The following LMX1B variants were observed in gnomAD, a reference collection of about 807,000 sequenced individuals.
The protein encoded by LMX1B is LIM homeobox transcription factor 1 beta.
LMX1B carries 12 observed loss-of-function variants against 51.4 expected under a neutral mutation model. The observed-to-expected ratio is 0.23, with a 90% CI of 0.15 to 0.38. The LOEUF is 0.38. Ranked by LOEUF, LMX1B falls within the 10% of genes least tolerant of loss-of-function variation. The pLI is 1.00. For synonymous variants in LMX1B, 237 were observed against 235.4 expected (o/e 1.01, Z -0.06); for missense variants, 445 against 571.1 (o/e 0.78, Z 2.25).
intron 2 of LMX1B, among the ~76,000 whole-genome samples, chr9:126,629,846 C>T (rs567333707): frequency 1.1e-4 from 16 of 151,820 alleles, no homozygotes; most frequent in African/African-American, 3.6e-4. Context: ...GATGAGACTT[C>T]CTAAAAGCAC....
rs537671740 is a variant in LMX1B at position 126,677,019 on chromosome 9, C to T, written c.327-13817C>T. 9.2e-5 allele frequency among the ~76,000 whole-genome samples: 14 copies of T among 152,304 alleles called. No homozygotes were observed. The highest frequency in any genetic ancestry group is 3.4e-4 in the African/African-American group (14 of 41,570). The stretch of plus-strand genomic sequence containing the variant: ...TGCGGCCGGGCGGGCGGTGATTAAG[C>T]GGCTCAGGCAGGCAGCGGGCGGCTG... On this transcript the variant is annotated intron_variant, in intron 2 of 7. Transcript: ENST00000373474. The surrounding 1 kb of genome is among the most constrained non-coding windows in gnomAD (Gnocchi z 5.0).
rs1181145640 is a variant in LMX1B, at chr9:126,695,238, C to T, written c.887-601C>T. On this transcript the variant is annotated intron_variant, in intron 6 of 7. Coordinates refer to ENST00000373474, the MANE Select transcript of LMX1B (RefSeq NM_001174147.2). This position sits in a 1 kb window ranked among gnomAD's most constrained non-coding sequence, Gnocchi z 5.2. The stretch of plus-strand genomic sequence containing the variant: ...TACCAAACCCTCCAGCGGCTCCCAG[C>T]GGCCTCGGGGACCCCCACCCAGCTC... Among the ~76,000 whole-genome samples, 3 of 152,182 alleles carry T rather than the reference C, an allele frequency of 2.0e-5. No individual in the cohort carries two copies. The highest frequency in any genetic ancestry group is 1.9e-4 in the East Asian group (1 of 5,190).
chr9:126,690,632 C>T (rs1300002282), intron 2 of LMX1B, among the ~76,000 whole-genome samples: 1 of 152,210 alleles, frequency 6.6e-6, no homozygotes, highest in Non-Finnish European at 1.5e-5. Flanking sequence ...GATGCCAGCA[C>T]CCACCCCAGG....
intron 2 of LMX1B, among the ~76,000 whole-genome samples, chr9:126,644,923 G>A (rs1835872149): frequency 1.3e-5 from 2 of 152,152 alleles, no homozygotes; most frequent in South Asian, 2.1e-4. Context: ...CCTGCCAAGC[G>A]CTGACAAGGA....
Position 126,700,081 on chromosome 9 carries a change from AC to A in LMX1B, c.*3631del, listed in dbSNP as rs1277051510. 2.0e-5 allele frequency: 3 copies of A among 152,132 alleles called. No homozygotes were observed. Among genetic ancestry groups the A allele is most frequent in the African/African-American group, 7.2e-5 (3 of 41,402 alleles). The allele number at this position is 152,132 out of a possible 1,614,324, so 9.4% of individuals were successfully genotyped here. A position where few individuals can be genotyped will look rare whatever the true frequency, so the allele number is the denominator to read the frequency against. On this transcript the variant is annotated 3_prime_UTR_variant, in exon 8 of 8. Coordinates refer to ENST00000373474, the MANE Select transcript of LMX1B (RefSeq NM_001174147.2). ...CCAGGTAACACAGGGCAGAGGAGGG[AC>A]AAAAAGCTGGGCATGGCCCCAGCCA...
chr9:126,671,824 C>T lies in LMX1B; in HGVS notation c.327-19012C>T, dbSNP rs1030604730. Among the ~76,000 whole-genome samples the T allele has an allele frequency of 4.5e-4, 69 of 152,314 alleles. No homozygotes were observed. Among genetic ancestry groups the T allele is most frequent in the African/African-American group, 1.6e-3 (66 of 41,574 alleles). ...GGGCAGCGGCCCCCCACAGCCCAGG[C>T]CCCCAGCGGCCCAGAGGCCACTTGG... On this transcript the variant is annotated intron_variant, in intron 2 of 7. Coordinates refer to ENST00000373474, the MANE Select transcript of LMX1B (RefSeq NM_001174147.2). The surrounding 1 kb of genome is among the most constrained non-coding windows in gnomAD (Gnocchi z 4.4).
intron 2 of LMX1B, among the ~76,000 whole-genome samples, chr9:126,631,849 G>A (rs1333399201): frequency 2.6e-5 from 4 of 152,174 alleles, no homozygotes; most frequent in East Asian, 1.9e-4. Context: ...GGATGATTCA[G>A]AGGGAGCAGA....
At chr9:126,659,349 G>A (rs1026455401) in intron 2 of LMX1B, among the ~76,000 whole-genome samples, 9 of 152,222 alleles carry the variant, frequency 5.9e-5, no homozygotes, top group Non-Finnish European at 8.8e-5. Flanking sequence ...CTCCAGCAGC[G>A]GCTCCTTAGT....
At chr9:126,657,498 G>A (rs1347675239) in intron 2 of LMX1B, among the ~76,000 whole-genome samples, 4 of 152,208 alleles carry the variant, frequency 2.6e-5, no homozygotes, top group Non-Finnish European at 5.9e-5. Context: ...GGGAGCAGGG[G>A]ATGCCTGCCT....
chr9:126,658,873 G>C lies in LMX1B; in HGVS notation c.327-31963G>C, dbSNP rs533266204. ...CAGGCCTGGTTTGCTGTGGAGAGAA[G>C]GAGGACTTCCTGGGGACATGAGAAG... On this transcript the variant is annotated intron_variant, in intron 2 of 7. Coordinates refer to ENST00000373474, the MANE Select transcript of LMX1B (RefSeq NM_001174147.2). The surrounding 1 kb of genome is among the most constrained non-coding windows in gnomAD (Gnocchi z 4.0). Among the ~76,000 whole-genome samples, 141 of 152,308 alleles carry C rather than the reference G, an allele frequency of 9.3e-4. No homozygotes were observed. Among genetic ancestry groups the C allele is most frequent in the Middle Eastern group, 3.4e-3 (1 of 294 alleles).
In LMX1B at chr9:126,615,391, T is replaced by A; in HGVS notation, c.148T>A (p.Cys50Ser). Residue 50 changes from cysteine to serine, a missense_variant, in exon 2 of 8, where the codon TGC becomes AGC. This residue lies in a region of LMX1B where 273 missense variants were observed against 343.3 expected (regional missense o/e 0.80). Coordinates refer to ENST00000373474, the MANE Select transcript of LMX1B (RefSeq NM_001174147.2). This position sits in a 1 kb window ranked among gnomAD's most constrained non-coding sequence, Gnocchi z 6.0. ...CGCCCTGTGCGCTACAGGCTCCGAC[T>A]GCCCGCATCCCGCCGTCTGCGAGGG... ...ATLGVLLGSD[C>S]PHPAVCEGCQ... The A allele has an allele frequency of 6.3e-7, 1 of 1,599,532 alleles. No homozygotes were observed. The highest frequency in any genetic ancestry group is 1.1e-5 in the South Asian group (1 of 89,478).
rs1469170674 is a variant in LMX1B, at chr9:126,625,376, G to A, written c.326+9807G>A. ...AATGGGGGGAGGGTTAGTGGGATGTGTTTGCCTCCTCTGACCGAGAGCACG... is the reference window on the plus strand; with the variant it reads ...AATGGGGGGAGGGTTAGTGGGATGTATTTGCCTCCTCTGACCGAGAGCACG... On this transcript the variant is annotated intron_variant, in intron 2 of 7. Transcript: ENST00000373474. This position sits in a 1 kb window ranked among gnomAD's most constrained non-coding sequence, Gnocchi z 5.3. Among the ~76,000 whole-genome samples the A allele has an allele frequency of 6.6e-6, 1 of 152,194 alleles. No homozygotes were observed. Among genetic ancestry groups the A allele is most frequent in the Non-Finnish European group, 1.5e-5 (1 of 68,040 alleles).
chr9:126,690,751 G>A, intron 2 of LMX1B, 85 bp from the exon 3 acceptor site: 2 of 1,215,188 alleles, frequency 1.6e-6, no homozygotes, highest in Non-Finnish European at 2.3e-6. Context: ...GGGTCAGGGT[G>A]GCAAGAGGGA....
intron 2 of LMX1B, among the ~76,000 whole-genome samples, chr9:126,688,749 T>C (rs955712959): frequency 6.6e-6 from 1 of 152,174 alleles, no homozygotes; most frequent in Non-Finnish European, 1.5e-5. Flanking sequence ...TGCAGAGCCA[T>C]GCCCTGCAGG....
intron 2 of LMX1B, among the ~76,000 whole-genome samples, chr9:126,684,837 C>A (rs1344014436): frequency 6.6e-6 from 1 of 152,160 alleles, no homozygotes; most frequent in African/African-American, 2.4e-5. Context: ...TGGAACTCCA[C>A]TGATACAAAT....
chr9:126,628,994 A>T (rs202217819), intron 2 of LMX1B, among the ~76,000 whole-genome samples: 5 of 2,344 alleles, frequency 2.1e-3, no homozygotes, highest in African/African-American at 2.2e-3. Context: ...CAATTAGATT[A>T]AAAAAAAAAA....
In LMX1B at chr9:126,693,299, G is replaced by T; in HGVS notation, c.717G>T (p.Glu239Asp). The change falls in exon 4 of 8, where the codon GAG (glutamate) becomes GAT (aspartate). Residue 239 changes from glutamate (E) to aspartate (D), a missense_variant. This residue lies in a region of LMX1B where 273 missense variants were observed against 343.3 expected (regional missense o/e 0.80). Coordinates refer to ENST00000373474, the MANE Select transcript of LMX1B (RefSeq NM_001174147.2). ...GAAGAGCCTTCAAGGCCTCCTTCGA[G>T]GTCTCGTCGAAGCCTTGCCGAAAGG... ...QQRRAFKASF[E>D]VSSKPCRKVR... is the part of the protein sequence containing the mutation. 6.2e-7 allele frequency: 1 copy of T among 1,606,714 alleles called. No homozygotes were observed. Among genetic ancestry groups the T allele is most frequent in the Non-Finnish European group, 8.5e-7 (1 of 1,177,244 alleles).
rs1055119894 is a variant in LMX1B at position 126,614,528 on chromosome 9, G to C, written c.79G>C (p.Gly27Arg). The C allele has an allele frequency of 6.2e-7, 1 of 1,606,690 alleles. No individual in the cohort carries two copies. The highest frequency in any genetic ancestry group is 8.5e-7 in the Non-Finnish European group (1 of 1,177,402). ...GQTDCAKMLD[G>R]IKMEEHALRP... ...GACGGACTGCGCCAAGATGTTGGAC[G>C]GCATCAAGATGGAGGAGCACGCCCT... The change falls in exon 1 of 8, where the codon GGC becomes CGC. Residue 27 changes from glycine to arginine, a missense_variant. By Grantham distance (125) the Gly-to-Arg change is moderately radical. Around this residue, in one of 3 missense-constraint regions of LMX1B, gnomAD observed 273 missense variants for 343.3 expected, o/e 0.80. Transcript: ENST00000373474.
chr9:126,695,048 C>A lies in LMX1B; in HGVS notation c.887-791C>A, dbSNP rs1158131755. 6.6e-6 allele frequency among the ~76,000 whole-genome samples: 1 copy of A among 152,182 alleles called. No homozygotes were observed. The highest frequency in any genetic ancestry group is 1.5e-5 in the Non-Finnish European group (1 of 68,018). ...ACCTTCCCCATCCCACACTGCTGAT[C>A]CACTGAGGTGCCAAGTTGGGGAGTG... is the stretch of plus-strand genomic sequence containing the variant. On this transcript the variant is annotated intron_variant, in intron 6 of 7. Coordinates refer to ENST00000373474, the MANE Select transcript of LMX1B (RefSeq NM_001174147.2). This position sits in a 1 kb window ranked among gnomAD's most constrained non-coding sequence, Gnocchi z 5.2.
Sources: allele counts gnomAD v4.1 joint callset (sites outside exome capture counted in the v4.1 genomes callset), GRCh38; gene constraint gnomAD v4.1.1; regional missense constraint gnomAD v4.1.1; non-coding constraint Gnocchi (gnomAD v3.1); transcripts MANE v1.5; gene names NCBI Gene and HGNC (gene_info 2026-07-23, HGNC 2026-07-21).